Variants in NCAPD2 observed in about 807,000 individuals in gnomAD.
NCAPD2 encodes condensin complex subunit 1.
A neutral mutation model predicts 164.5 loss-of-function variants in NCAPD2; 100 were observed. That is an observed-to-expected ratio of 0.61 (90% CI 0.52 to 0.72). The LOEUF (loss-of-function observed/expected upper bound fraction) is 0.72. Among genes scored for constraint, NCAPD2 ranks in the 30% least tolerant of loss-of-function variants. The probability of loss-of-function intolerance (pLI) is 0.00; values close to 1 mark genes in which losing one functional copy is unlikely to be tolerated. For missense variants in NCAPD2, 1,560 were observed against 1,749.2 expected (o/e 0.89, Z 1.93); for synonymous variants, 585 against 642.6 (o/e 0.91, Z 1.36).
chr12:6,530,050 C>T, intron 29 of NCAPD2, 92 bp downstream of exon 29: 1 of 1,389,248 alleles, frequency 7.2e-7, no homozygotes, highest in Non-Finnish European at 9.8e-7. Context: ...TTGCAGTCAC[C>T]TTCCCGTCCT....
intron 17 of NCAPD2, among the ~76,000 whole-genome samples, chr12:6,525,075 G>A (rs1051392868): frequency 4.6e-5 from 7 of 152,324 alleles, no homozygotes; most frequent in Middle Eastern, 3.4e-3. Context: ...GGGCAGTAAC[G>A]AGGGGCTGGA....
Position 6,510,945 on chromosome 12 carries a change from C to G in NCAPD2, c.444+135C>G, listed in dbSNP as rs1470428971. 22 of 1,301,122 alleles carry G rather than the reference C, an allele frequency of 1.7e-5. No individual in the cohort carries two copies. In the Admixed American group the frequency reaches 5.0e-4, roughly 30 times the overall value. The allele number at this position is 1,301,122 out of a possible 1,614,324, so 80.6% of individuals were successfully genotyped here. A position where few individuals can be genotyped will look rare whatever the true frequency, so the allele number is the denominator to read the frequency against. On this transcript the variant is annotated intron_variant, in intron 5 of 31. Transcript: ENST00000315579. ...TTTAGGAGAAAGAACTCAAAAGTGTCACACGTTTTCTTCCTGGACAAGTAG... is the reference window on the plus strand; with the variant it reads ...TTTAGGAGAAAGAACTCAAAAGTGTGACACGTTTTCTTCCTGGACAAGTAG...
Position 6,522,821 on chromosome 12 carries a change from C to T in NCAPD2, c.1955-7C>T, listed in dbSNP as rs758214343. ...TAGATAGGTGACATTTGTACATGTT[C>T]TCTCAGTGGTGCAGGAGGTGATTGA... On this transcript the variant is annotated splice_polypyrimidine_tract_variant and splice_region_variant and intron_variant, in intron 15 of 31. Coordinates refer to ENST00000315579, the MANE Select transcript of NCAPD2 (RefSeq NM_014865.4). The T allele has an allele frequency of 6.8e-5, 109 of 1,613,240 alleles. 3 individuals carry two copies. In the South Asian group the frequency reaches 1.1e-3, roughly 17 times the overall value.
intron 9 of NCAPD2, among the ~76,000 whole-genome samples, chr12:6,516,516 A>C (rs906222284): frequency 1.3e-5 from 2 of 152,160 alleles, no homozygotes; most frequent in Admixed American, 6.6e-5. Context: ...ACAAACAAAC[A>C]ACCACAATAA....
At chr12:6,495,301 C>A (rs1945968513) in intron 2 of NCAPD2, 76 bp downstream of exon 2, 3 of 1,547,038 alleles carry the variant, frequency 1.9e-6, no homozygotes, top group Admixed American at 1.8e-5. Context: ...ATTGTCATTT[C>A]TGTTCCACTA....
chr12:6,504,206 T>TACACATATATAC (rs1345172579), intron 2 of NCAPD2, among the ~76,000 whole-genome samples: 2 of 25,238 alleles, frequency 7.9e-5, no homozygotes, highest in African/African-American at 7.0e-4. Context: ...TATATATATA[T>TACACATATATAC]ATATATATAT....
At chr12:6,516,767 C>T (rs1946205008) in intron 9 of NCAPD2, 61 bp from the exon 10 acceptor site, 4 of 1,554,052 alleles carry the variant, frequency 2.6e-6, no homozygotes, top group Non-Finnish European at 1.8e-6. Context: ...AAGTTATGGC[C>T]AAGCACAAGC....
At chr12:6,529,176 T>G in intron 27 of NCAPD2, 137 bp downstream of exon 27, 1 of 732,382 alleles carries the variant, frequency 1.4e-6, no homozygotes, top group Non-Finnish European at 2.2e-6. Context: ...TCTTTGTGCC[T>G]ATTTCCTCTT....
rs547578177 is a variant in NCAPD2 at position 6,507,266 on chromosome 12, G to A, written c.128-2451G>A. On this transcript the variant is annotated intron_variant, in intron 2 of 31. Coordinates refer to ENST00000315579, the MANE Select transcript of NCAPD2 (RefSeq NM_014865.4). The stretch of plus-strand genomic sequence containing the variant: ...TGCTGGGATTACAGGCTTGAGCCCA[G>A]CCCATCTCATGATACAAGACAGTCA... Among the ~76,000 whole-genome samples the A allele has an allele frequency of 2.0e-5, 3 of 152,332 alleles. No homozygotes were observed. In the East Asian group the frequency reaches 5.8e-4, roughly 29 times the overall value.
rs750520878 is a variant in NCAPD2 at position 6,527,781 on chromosome 12, C to T, written c.2912C>T (p.Thr971Met). The change falls in exon 23 of 32, where the codon ACG becomes ATG. Residue 971 changes from threonine (T) to methionine (M), a missense_variant. Coordinates refer to ENST00000315579, the MANE Select transcript of NCAPD2 (RefSeq NM_014865.4). ...CCCCAATTTCATTCCCTTTAGAATA[C>T]GAGCTCTGAGACCACCATGGAGGAG... Reference protein sequence around the residue: ...HKTKDPKEKNTSSETTMEEEL... With the variant: ...HKTKDPKEKNMSSETTMEEEL... 179 of 1,609,934 alleles carry T rather than the reference C, an allele frequency of 1.1e-4. 1 individual carries two copies. The South Asian group carries it at 1.9e-3, about 17-fold the overall frequency.
At position 6,528,995 on chromosome 12, in the gene NCAPD2, C is replaced by G; in HGVS notation, c.3528C>G (p.Asp1176Glu). Reference sequence around the variant, plus strand: ...CAGATATCATCAGCCGCCTGTCAGACCCCGAGCTGGGGGTGGAGGAAGAGC... The same window carrying G: ...CAGATATCATCAGCCGCCTGTCAGAGCCCGAGCTGGGGGTGGAGGAAGAGC... Reference protein sequence around the residue: ...LLPDIISRLSDPELGVEEEPF... With the variant: ...LLPDIISRLSEPELGVEEEPF... The change falls in exon 27 of 32, where the codon GAC (aspartate) becomes GAG (glutamate). Residue 1176 changes from aspartate (D) to glutamate (E), a missense_variant. Asp to Glu is a conservative substitution (Grantham distance 45). Coordinates refer to ENST00000315579, the MANE Select transcript of NCAPD2 (RefSeq NM_014865.4). This position sits in a 1 kb window ranked among gnomAD's most constrained non-coding sequence, Gnocchi z 5.1. The G allele has an allele frequency of 6.2e-7, 1 of 1,613,592 alleles. No homozygotes were observed.
intron 18 of NCAPD2, 70 bp from the exon 19 acceptor site, chr12:6,525,998 C>G (rs754777055): frequency 5.1e-6 from 8 of 1,571,794 alleles, no homozygotes; most frequent in Non-Finnish European, 6.0e-6. Context: ...GTACCTACCC[C>G]TATTGGCCCT....
Position 6,501,600 on chromosome 12 carries a change from A to G in NCAPD2, c.127+6375A>G, listed in dbSNP as rs374725498. Reference sequence around the variant, plus strand: ...TGTTGGTTATGTGAGTGCAGAGTTCAAGGGAGAGGTTGTCAGCTAAAGATA... The same window carrying G: ...TGTTGGTTATGTGAGTGCAGAGTTCGAGGGAGAGGTTGTCAGCTAAAGATA... On this transcript the variant is annotated intron_variant, in intron 2 of 31. Coordinates refer to ENST00000315579, the MANE Select transcript of NCAPD2 (RefSeq NM_014865.4). Among the ~76,000 whole-genome samples, 96 of 152,316 alleles carry G rather than the reference A, an allele frequency of 6.3e-4. 1 individual carries two copies. The South Asian group carries it at 0.019, about 30-fold the overall frequency.
chr12:6,511,620 C>T (rs1011027134), intron 6 of NCAPD2, among the ~76,000 whole-genome samples: 2 of 152,052 alleles, frequency 1.3e-5, no homozygotes, highest in African/African-American at 2.4e-5. Context: ...TGAGCCACCA[C>T]GCCCAGCCAG....
In NCAPD2 at chr12:6,528,928, C is replaced by G; in HGVS notation, c.3478-17C>G. 1 of 1,613,734 alleles carries G rather than the reference C, an allele frequency of 6.2e-7. No homozygotes were observed. The highest frequency in any genetic ancestry group is 8.5e-7 in the Non-Finnish European group (1 of 1,179,638). ...AGGTCACCTCATCTCCTTAACATGG[C>G]TCTCTCTGTCTTACAGGGCAACGCA... On this transcript the variant is annotated splice_polypyrimidine_tract_variant and intron_variant, in intron 26 of 31. Coordinates refer to ENST00000315579, the MANE Select transcript of NCAPD2 (RefSeq NM_014865.4). This position sits in a 1 kb window ranked among gnomAD's most constrained non-coding sequence, Gnocchi z 5.1.
intron 17 of NCAPD2, 21 bp downstream of exon 17, chr12:6,523,367 T>A (rs1449094246): frequency 6.3e-7 from 1 of 1,578,622 alleles, no homozygotes; most frequent in African/African-American, 1.4e-5. Context: ...CTGCTTTCTC[T>A]TTCTTTATTC....
At chr12:6,515,316 C>G (rs1946188368) in intron 9 of NCAPD2, among the ~76,000 whole-genome samples, 1 of 152,070 alleles carries the variant, frequency 6.6e-6, no homozygotes, top group Non-Finnish European at 1.5e-5. Context: ...TCCCAAGTAG[C>G]TGGGACTTCA....
Position 6,517,478 on chromosome 12 carries a change from C to T in NCAPD2, c.1299C>T (p.Ala433=), listed in dbSNP as rs1946213946. Reference sequence around the variant, plus strand: ...TCCAGCTGCTGGCCAGTTTTCTAGCCAATAATCCTTTCTCCTGCAAGGTAA... The same window carrying T: ...TCCAGCTGCTGGCCAGTTTTCTAGCTAATAATCCTTTCTCCTGCAAGGTAA... ...NAIQLLASFL[A]NNPFSCKLSD... The change falls in exon 11 of 32, where the codon GCC becomes GCT. Residue 433 remains alanine (A), a synonymous_variant. Transcript: ENST00000315579. The T allele has an allele frequency of 6.2e-7, 1 of 1,614,180 alleles. No homozygotes were observed. Among genetic ancestry groups the T allele is most frequent in the East Asian group, 2.2e-5 (1 of 44,892 alleles).
chr12:6,526,988 A>G lies in NCAPD2; in HGVS notation c.2832A>G (p.Ala944=), dbSNP rs756702282. ...ALQQLVHLEQ[A]VSGELCRRRV... ...AGCAGCTGGTCCACTTGGAGCAGGCAGTGAGTGGAGAGCTCTGCCGGCGCC... is the reference window on the plus strand; with the variant it reads ...AGCAGCTGGTCCACTTGGAGCAGGCGGTGAGTGGAGAGCTCTGCCGGCGCC... Residue 944 remains alanine (A), a synonymous_variant, in exon 22 of 32, where the codon GCA becomes GCG. Coordinates refer to ENST00000315579, the MANE Select transcript of NCAPD2 (RefSeq NM_014865.4). 1 of 1,614,160 alleles carries G rather than the reference A, an allele frequency of 6.2e-7. No individual in the cohort carries two copies. The highest frequency in any genetic ancestry group is 8.5e-7 in the Non-Finnish European group (1 of 1,180,006).
Sources: allele counts gnomAD v4.1 joint callset (sites outside exome capture counted in the v4.1 genomes callset), GRCh38; gene constraint gnomAD v4.1.1; non-coding constraint Gnocchi (gnomAD v3.1); transcripts MANE v1.5; gene names NCBI Gene and HGNC (gene_info 2026-07-23, HGNC 2026-07-21).